The following KCTD1 variants were observed in gnomAD, a reference collection of about 807,000 sequenced individuals.
KCTD1 encodes potassium channel tetramerization domain containing 1.
A neutral mutation model predicts 66.0 loss-of-function variants in KCTD1; 24 were observed. The observed-to-expected ratio is 0.36, with a 90% CI of 0.26 to 0.51. The LOEUF (loss-of-function observed/expected upper bound fraction) is 0.51. KCTD1 is among the 20% of genes least tolerant of loss of function. KCTD1 has a pLI of 0.95. For synonymous variants in KCTD1, 511 were observed against 517.2 expected, an observed-to-expected ratio of 0.99 and a Z score of 0.16; for missense variants, 943 against 1,205.2, an observed-to-expected ratio of 0.78 and a Z score of 3.22.
chr18:26,655,640 G>A (rs1988117420), intron 1 of KCTD1: 1 of 152,230 alleles, frequency 6.6e-6, no homozygotes, highest in Non-Finnish European at 1.5e-5. Context: ...CAAAGCCAAC[G>A]GCCCCATTTG....
intron 1 of KCTD1, among the ~76,000 whole-genome samples, chr18:26,518,971 T>C (rs1983791883): frequency 6.6e-6 from 1 of 152,374 alleles, no homozygotes; most frequent in South Asian, 2.1e-4. Context: ...ATGTAAACTT[T>C]ACAAGTATTA....
chr18:26,642,012 G>A (rs1987843225), upstream of KCTD1, among the ~76,000 whole-genome samples: 1 of 152,176 alleles, frequency 6.6e-6, no homozygotes, highest in South Asian at 2.1e-4. Flanking sequence ...TACATGCCGG[G>A]CACTATGCAA....
chr18:26,463,697 C>T (rs933869275), intron 3 of KCTD1, among the ~76,000 whole-genome samples: 6 of 152,150 alleles, frequency 3.9e-5, no homozygotes, highest in Admixed American at 1.3e-4. Context: ...CCACTACGCC[C>T]GGCTAATTTT....
intron 1 of KCTD1, among the ~76,000 whole-genome samples, chr18:26,600,490 T>TGG (rs201966909): frequency 4.6e-4 from 69 of 151,246 alleles, no homozygotes; most frequent in South Asian, 1.7e-3. Context: ...TGAAGCTGGC[T>TGG]GGGGGGGGTG....
intron 2 of KCTD1, among the ~76,000 whole-genome samples, chr18:26,486,017 G>A (rs1032256168): frequency 6.7e-6 from 1 of 150,364 alleles, no homozygotes; most frequent in African/African-American, 2.5e-5. Flanking sequence ...GGGTTCAAGC[G>A]ATTTTCCTGC....
At chr18:26,505,242 C>T (rs190233030) in intron 1 of KCTD1, among the ~76,000 whole-genome samples, 1 of 152,346 alleles carries the variant, frequency 6.6e-6, no homozygotes, top group Admixed American at 6.5e-5. Flanking sequence ...TCATCATCGT[C>T]CTCAACTCTA....
chr18:26,477,814 A>G (rs1981426972), intron 2 of KCTD1, among the ~76,000 whole-genome samples: 1 of 152,212 alleles, frequency 6.6e-6, no homozygotes, highest in African/African-American at 2.4e-5. Flanking sequence ...TTAAAAACTC[A>G]TGTTACGTTA....
At chr18:26,546,373 C>T (rs1204816328) in intron 1 of KCTD1, among the ~76,000 whole-genome samples, 1 of 152,162 alleles carries the variant, frequency 6.6e-6, no homozygotes. Context: ...TAAGTAACTG[C>T]TTCCTTTACA....
intron 1 of KCTD1, among the ~76,000 whole-genome samples, chr18:26,541,867 C>G (rs958291425): frequency 3.3e-5 from 5 of 152,258 alleles, no homozygotes; most frequent in African/African-American, 1.2e-4. Context: ...GACTCAAAAC[C>G]ATTCAGCACC....
intron 1 of KCTD1, among the ~76,000 whole-genome samples, chr18:26,628,571 AG>A (rs1193514055): frequency 6.6e-6 from 1 of 152,070 alleles, no homozygotes; most frequent in Non-Finnish European, 1.5e-5. Context: ...GAAATAAAAT[AG>A]TAAAAAAAAA....
intron 1 of KCTD1, among the ~76,000 whole-genome samples, chr18:26,637,584 G>A (rs887985186): frequency 1.3e-5 from 2 of 152,202 alleles, no homozygotes; most frequent in East Asian, 1.9e-4. Flanking sequence ...GAAGCCTGGC[G>A]TCCTTTCAGT....
chr18:26,488,551 G>C (rs1261830119), intron 2 of KCTD1, among the ~76,000 whole-genome samples: 1 of 152,096 alleles, frequency 6.6e-6, no homozygotes, highest in African/African-American at 2.4e-5. Flanking sequence ...CTGGGTGGGA[G>C]TTCAGGAACA....
chr18:26,626,765 G>C (rs1233942478), intron 1 of KCTD1, among the ~76,000 whole-genome samples: 1 of 152,248 alleles, frequency 6.6e-6, no homozygotes, highest in South Asian at 2.1e-4. Context: ...ACGAGTCCCT[G>C]TGCCCAGCAG....
intron 1 of KCTD1, among the ~76,000 whole-genome samples, chr18:26,576,184 C>G: frequency 6.6e-6 from 1 of 152,250 alleles, no homozygotes; most frequent in African/African-American, 2.4e-5. Context: ...CACCGTGTCT[C>G]GTAATTGTAT....
chr18:26,604,997 C>G (rs1986979887), intron 1 of KCTD1, among the ~76,000 whole-genome samples: 4 of 152,156 alleles, frequency 2.6e-5, no homozygotes, highest in Admixed American at 1.3e-4. Context: ...TAGCTCACTA[C>G]CCTGCCATCC....
Position 26,613,436 on chromosome 18 carries a change from C to A in KCTD1, c.-16+15711G>T, listed in dbSNP as rs552306936. Among the ~76,000 whole-genome samples, 26 of 152,226 alleles carry A rather than the reference C, an allele frequency of 1.7e-4. 1 individual carries two copies. The South Asian group carries it at 5.4e-3, about 32-fold the overall frequency. On this transcript the variant is annotated intron_variant, in intron 1 of 4. Transcript: ENST00000317932. ...CTGCTCATCTGGATTTTCTATCTGT[C>A]ATTTTTGTCTGTCTCTCAGTTCTTT... is the stretch of plus-strand genomic sequence containing the variant.
intron 1 of KCTD1, among the ~76,000 whole-genome samples, chr18:26,615,275 C>T (rs890738241): frequency 6.6e-6 from 1 of 152,108 alleles, no homozygotes; most frequent in African/African-American, 2.4e-5. Flanking sequence ...CTGAACCAAA[C>T]CTGTGAGTCA....
At chr18:26,627,530 T>C (rs576562389) in intron 1 of KCTD1, among the ~76,000 whole-genome samples, 2 of 152,326 alleles carry the variant, frequency 1.3e-5, no homozygotes, top group East Asian at 3.9e-4. Context: ...CAACTAATTA[T>C]CCCAATGCAT....
At chr18:26,461,133 CA>C (rs1980400563) in intron 3 of KCTD1, among the ~76,000 whole-genome samples, 1 of 152,210 alleles carries the variant, frequency 6.6e-6, no homozygotes, top group South Asian at 2.1e-4. Context: ...ACAAGATGAC[CA>C]TGGGATAAAT....
Sources: gnomAD v4.1 joint callset for allele counts (sites outside exome capture counted in the v4.1 genomes callset) on GRCh38, gnomAD v4.1.1 for gene constraint, MANE v1.5 for transcripts, NCBI Gene and HGNC (gene_info 2026-07-23, HGNC 2026-07-21) for gene names.